Variants in BBS4 observed in about 807,000 individuals in gnomAD.
The protein encoded by BBS4 is BBSome complex member BBS4.
BBS4 carries 58 observed loss-of-function variants against 71.4 expected under a neutral mutation model. That is an observed-to-expected ratio of 0.81 (90% CI 0.66 to 1.01). BBS4 has a LOEUF of 1.01. BBS4 is among the 50% of genes least tolerant of loss of function. The pLI is 0.00. For synonymous variants in BBS4, 228 were observed against 216.8 expected, an observed-to-expected ratio of 1.05 and a Z score of -0.46; for missense variants, 660 against 607.9, an observed-to-expected ratio of 1.09 and a Z score of -0.90.
rs180811433 is a variant in BBS4, at chr15:72,735,575, A to T, written c.1107-250A>T. 4.7e-4 allele frequency: 267 copies of T among 574,134 alleles called. 1 individual carries two copies. The highest frequency in any genetic ancestry group is 6.9e-4 in the Admixed American group (23 of 33,466). 35.6% of individuals were successfully genotyped at this position (574,134 alleles called of 1,614,324 possible). On this transcript the variant is annotated intron_variant, in intron 13 of 15. Transcript: ENST00000268057. ...CAGCAGGGTAGAGATCCCTTTTTCA[A>T]CCCTGGCCTAGGTAGTCTCTGTTGA... is the stretch of plus-strand genomic sequence containing the variant.
In BBS4 at chr15:72,731,350, G is replaced by T. The variant is rs2065816654; in HGVS notation, c.757G>T (p.Asp253Tyr). The T allele has an allele frequency of 6.2e-7, 1 of 1,614,034 alleles. No individual in the cohort carries two copies. Among genetic ancestry groups the T allele is most frequent in the South Asian group, 1.1e-5 (1 of 91,086 alleles). The change falls in exon 11 of 16, where the codon GAT becomes TAT. Residue 253 changes from aspartate to tyrosine, a missense_variant. Transcript: ENST00000268057. ...GSMMQTHGDF[D>Y]VALTKYRVVA... is the part of the protein sequence containing the mutation. ...CATGATGCAGACCCACGGGGACTTT[G>T]ATGTTGCCCTCACCAAATACAGAGT...
At chr15:72,695,597 C>T (rs2065063359) in intron 2 of BBS4, among the ~76,000 whole-genome samples, 1 of 152,168 alleles carries the variant, frequency 6.6e-6, no homozygotes, top group Non-Finnish European at 1.5e-5. Context: ...AGATTTCTCT[C>T]TCTTGTTGAT....
At chr15:72,694,952 A>G (rs1212790813) in intron 1 of BBS4, among the ~76,000 whole-genome samples, 1 of 152,224 alleles carries the variant, frequency 6.6e-6, no homozygotes, top group African/African-American at 2.4e-5. Flanking sequence ...TGCACATTGT[A>G]AATATTATAA....
chr15:72,725,661 C>CCCCCTTCCCCATTTTCCCTT, intron 8 of BBS4, among the ~76,000 whole-genome samples: 1 of 146,218 alleles, frequency 6.8e-6, no homozygotes. Context: ...TATCTTTTTT[C>CCCCCTTCCCCATTTTCCCTT]CCCCTTCCCC....
intron 13 of BBS4, 48 bp from the exon 14 acceptor site, chr15:72,735,777 C>T: frequency 6.2e-7 from 1 of 1,612,028 alleles, no homozygotes; most frequent in South Asian, 1.1e-5. Context: ...CTCTAAATGA[C>T]CATTTGTTGC....
chr15:72,702,004 A>ATT lies in BBS4; in HGVS notation c.76+6790_76+6791dup, dbSNP rs773147738. Among the ~76,000 whole-genome samples, 1,029 of 142,048 alleles carry ATT rather than the reference A, an allele frequency of 7.2e-3. 8 individuals are homozygous for ATT. The highest frequency in any genetic ancestry group is 0.022 in the Middle Eastern group (6 of 278). The allele number at this position is 142,048 out of a possible 152,430, so 93.2% of individuals were successfully genotyped here. ...AGGTGTGTGCCACCAGGCCCAGCTA[A>ATT]TTTTTTTTTTTTTTTGTATTTTTAA... On this transcript the variant is annotated intron_variant, in intron 2 of 15. Coordinates refer to ENST00000268057, the MANE Select transcript of BBS4 (RefSeq NM_033028.5).
chr15:72,699,640 G>GC (rs1567402518), intron 2 of BBS4, among the ~76,000 whole-genome samples: 1 of 151,794 alleles, frequency 6.6e-6, no homozygotes. Flanking sequence ...GCTTCACTTC[G>GC]CCAGATGCAA....
intron 1 of BBS4, among the ~76,000 whole-genome samples, chr15:72,687,395 T>TG (rs1218346096): frequency 6.6e-6 from 1 of 151,296 alleles, no homozygotes; most frequent in African/African-American, 2.4e-5. Flanking sequence ...CTTGAGGTCA[T>TG]GAGTTTGAGA....
At chr15:72,705,606 TTTTTGAGACTGGGTCTCAC>T in intron 2 of BBS4, among the ~76,000 whole-genome samples, 1 of 146,770 alleles carries the variant, frequency 6.8e-6, no homozygotes, top group South Asian at 2.2e-4. Flanking sequence ...TTTTTTTTTT[TTTTTGAGACTGGGTCTCAC>T]TCTGTCACCC....
At chr15:72,711,193 G>A (rs1033136617) in intron 3 of BBS4, among the ~76,000 whole-genome samples, 5 of 151,610 alleles carry the variant, frequency 3.3e-5, no homozygotes, top group African/African-American at 1.2e-4. Context: ...TGTCGCCAAG[G>A]GTGGAGTGCA....
intron 12 of BBS4, among the ~76,000 whole-genome samples, chr15:72,733,081 G>T (rs1017714664): frequency 6.6e-6 from 1 of 152,158 alleles, no homozygotes; most frequent in African/African-American, 2.4e-5. Context: ...TCTTGTAGGG[G>T]TTATATCTAG....
At chr15:72,717,993 C>T (rs1464876457) in intron 6 of BBS4, among the ~76,000 whole-genome samples, 2 of 152,020 alleles carry the variant, frequency 1.3e-5, no homozygotes, top group Non-Finnish European at 2.9e-5. Context: ...GGATTACAGG[C>T]GCCTGCCACC....
rs377069915 is a variant in BBS4, at chr15:72,737,709, C to T, written c.*122C>T. On this transcript the variant is annotated 3_prime_UTR_variant, in exon 16 of 16. Coordinates refer to ENST00000268057, the MANE Select transcript of BBS4 (RefSeq NM_033028.5). ...CCACAGAATACAGTGTGTGTTATTA[C>T]GAGGAGCCAGCAGTTGAGCCTAAGG... is the stretch of plus-strand genomic sequence containing the variant. 1.1e-4 allele frequency: 96 copies of T among 835,630 alleles called. No homozygotes were observed. The highest frequency in any genetic ancestry group is 5.6e-4 in the African/African-American group (33 of 59,372). 51.8% of individuals were successfully genotyped at this position (835,630 alleles called of 1,614,324 possible). A position where few individuals can be genotyped will look rare whatever the true frequency, so the allele number is the denominator to read the frequency against.
At chr15:72,698,054 A>G (rs145452117) in intron 2 of BBS4, 3 of 455,826 alleles carry the variant, frequency 6.6e-6, no homozygotes, top group South Asian at 1.5e-5. Flanking sequence ...GAACTGATTT[A>G]CTGCTTGAGT....
intron 6 of BBS4, 93 bp downstream of exon 6, chr15:72,716,943 CA>C (rs1257630058): frequency 1.1e-6 from 1 of 912,060 alleles, no homozygotes; most frequent in East Asian, 2.5e-5. Context: ...TCTTACATTC[CA>C]AAAATGTCTT....
chr15:72,705,585 T>TC, intron 2 of BBS4, among the ~76,000 whole-genome samples: 1 of 110,622 alleles, frequency 9.0e-6, no homozygotes, highest in Non-Finnish European at 1.9e-5. Flanking sequence ...ACATGGCTTG[T>TC]CCTTTTTTTT....
Position 72,736,882 on chromosome 15 carries a change from A to G in BBS4, c.1369A>G (p.Ser457Gly), listed in dbSNP as rs773209808. 4.3e-6 allele frequency: 7 copies of G among 1,614,250 alleles called. No homozygotes were observed. The highest frequency in any genetic ancestry group is 3.3e-5 in the South Asian group (3 of 91,086). The change falls in exon 15 of 16, where the codon AGT (serine) becomes GGT (glycine). Residue 457 changes from serine (S) to glycine (G), a missense_variant. By Grantham distance (56) the Ser-to-Gly change is moderately conservative (BLOSUM62 0). Coordinates refer to ENST00000268057, the MANE Select transcript of BBS4 (RefSeq NM_033028.5). The stretch of plus-strand genomic sequence containing the variant: ...GACCACTTCAACCAGCAAACCTGCC[A>G]GTTTCCAGCAGCCTCTGGGCTCTAA... ...HQTTSTSKPA[S>G]FQQPLGSNQA... is the part of the protein sequence containing the mutation.
chr15:72,692,773 T>A (rs2065010307), intron 1 of BBS4, among the ~76,000 whole-genome samples: 2 of 151,964 alleles, frequency 1.3e-5, no homozygotes, highest in Admixed American at 1.3e-4. Flanking sequence ...TTCTAAAGTT[T>A]TTTTTATAGA....
In BBS4 at chr15:72,695,216, C is replaced by T. The variant is rs727503820; in HGVS notation, c.64C>T (p.Arg22Trp). The change falls in exon 2 of 16, where the codon CGG (arginine) becomes TGG (tryptophan). Residue 22 changes from arginine to tryptophan, a missense_variant. Coordinates refer to ENST00000268057, the MANE Select transcript of BBS4 (RefSeq NM_033028.5). ...FPVSTESQKP[R>W]QKKAPEFPIL... ...TGTATCTACTGAGTCTCAAAAACCC[C>T]GGCAGAAAAAAGGTCTGTATGCAGT... is the stretch of plus-strand genomic sequence containing the variant. 123 of 1,602,946 alleles carry T rather than the reference C, an allele frequency of 7.7e-5. No individual in the cohort carries two copies. Among genetic ancestry groups the T allele is most frequent in the Admixed American group, 6.3e-4 (38 of 59,896 alleles).
Sources: gnomAD v4.1 joint callset for allele counts (sites outside exome capture counted in the v4.1 genomes callset) on GRCh38, gnomAD v4.1.1 for gene constraint, MANE v1.5 for transcripts, NCBI Gene and HGNC (gene_info 2026-07-23, HGNC 2026-07-21) for gene names.